Variants in ITGB3BP observed in about 807,000 individuals in gnomAD.
ITGB3BP encodes centromere protein R.
Under a neutral mutation model 29.1 loss-of-function variants are expected in ITGB3BP, and 27 were observed. The observed-to-expected ratio is 0.93, with a 90% CI of 0.68 to 1.28. ITGB3BP has a LOEUF of 1.28. ITGB3BP is among the 50% of genes most tolerant of loss of function. The probability of loss-of-function intolerance (pLI) is 0.00; values close to 1 mark genes in which losing one functional copy is unlikely to be tolerated. For missense variants in ITGB3BP, 192 were observed against 200.2 expected, an observed-to-expected ratio of 0.96 and a Z score of 0.25; for synonymous variants, 61 against 61.4, an observed-to-expected ratio of 0.99 and a Z score of 0.03.
chr1:63,448,912 G>A (rs929410699), intron 7 of ITGB3BP, among the ~76,000 whole-genome samples: 1 of 152,080 alleles, frequency 6.6e-6, no homozygotes, highest in Non-Finnish European at 1.5e-5. Flanking sequence ...TGTGAGATAT[G>A]TCTCTGGGGA....
At chr1:63,448,849 T>G (rs1484176544) in intron 7 of ITGB3BP, among the ~76,000 whole-genome samples, 1 of 152,152 alleles carries the variant, frequency 6.6e-6, no homozygotes, top group Non-Finnish European at 1.5e-5. Flanking sequence ...TGATCAATTT[T>G]TATATTGCTG....
At chr1:63,460,167 T>G (rs1644994664) in intron 4 of ITGB3BP, among the ~76,000 whole-genome samples, 1 of 152,224 alleles carries the variant, frequency 6.6e-6, no homozygotes, top group Non-Finnish European at 1.5e-5. Context: ...ATTTGTCATT[T>G]TAAACATTTT....
At chr1:63,452,638 T>C (rs1441476942) in intron 7 of ITGB3BP, among the ~76,000 whole-genome samples, 1 of 127,962 alleles carries the variant, frequency 7.8e-6, no homozygotes, top group Non-Finnish European at 1.9e-5. Flanking sequence ...TCTTTCTTTT[T>C]TTTTTTTTTA....
intron 4 of ITGB3BP, among the ~76,000 whole-genome samples, chr1:63,465,918 A>T (rs1179686791): frequency 6.6e-6 from 1 of 152,108 alleles, no homozygotes; most frequent in Non-Finnish European, 1.5e-5. Flanking sequence ...GAAACCATCA[A>T]CTTGTATTGA....
At chr1:63,504,876 G>C (rs1462462827) in intron 2 of ITGB3BP, among the ~76,000 whole-genome samples, 1 of 152,120 alleles carries the variant, frequency 6.6e-6, no homozygotes, top group Non-Finnish European at 1.5e-5. Context: ...TGATCATGGT[G>C]GATAAGCTTT....
At chr1:63,459,880 G>T (rs1431447119) in intron 4 of ITGB3BP, among the ~76,000 whole-genome samples, 1 of 151,864 alleles carries the variant, frequency 6.6e-6, no homozygotes, top group Non-Finnish European at 1.5e-5. Context: ...CTGCATCCAA[G>T]AACTACTAAC....
chr1:63,495,438 C>T (rs184617313), intron 2 of ITGB3BP, among the ~76,000 whole-genome samples: 2 of 152,238 alleles, frequency 1.3e-5, no homozygotes, highest in African/African-American at 2.4e-5. Context: ...TGGAAGGAAC[C>T]GCAGACTTAA....
At chr1:63,497,454 G>A (rs919654169) in intron 2 of ITGB3BP, among the ~76,000 whole-genome samples, 12 of 152,236 alleles carry the variant, frequency 7.9e-5, no homozygotes, top group African/African-American at 2.2e-4. Context: ...AGTAGCTAAA[G>A]AGAAAGGGAG....
intron 8 of ITGB3BP, among the ~76,000 whole-genome samples, chr1:63,444,168 TCAAAA>T (rs1644761144): frequency 6.6e-6 from 1 of 152,076 alleles, no homozygotes; most frequent in Non-Finnish European, 1.5e-5. Context: ...ACTCAAAGAC[TCAAAA>T]GAACACCCCA....
chr1:63,489,544 A>C (rs11208226), intron 3 of ITGB3BP, among the ~76,000 whole-genome samples: 61,588 of 151,596 alleles, frequency 0.41, 13,899 homozygotes, highest in Non-Finnish European at 0.52. Flanking sequence ...AGAATTTCAT[A>C]TTAAAATTAG....
At chr1:63,469,070 A>G (rs1645150109) in intron 4 of ITGB3BP, among the ~76,000 whole-genome samples, 1 of 151,440 alleles carries the variant, frequency 6.6e-6, no homozygotes, top group Non-Finnish European at 1.5e-5. Flanking sequence ...AAGTCTGCCC[A>G]ACATAAAGCT....
At chr1:63,505,820 G>A (rs1447450590) in intron 2 of ITGB3BP, among the ~76,000 whole-genome samples, 6 of 152,152 alleles carry the variant, frequency 3.9e-5, no homozygotes, top group Admixed American at 2.0e-4. Flanking sequence ...GTAGTTGAGC[G>A]GTTTTGAGTG....
chr1:63,528,671 T>G, intron 2 of ITGB3BP, among the ~76,000 whole-genome samples: 1 of 152,100 alleles, frequency 6.6e-6, no homozygotes, highest in East Asian at 1.9e-4. Flanking sequence ...TCTCATATTA[T>G]ACACCTACTA....
intron 4 of ITGB3BP, among the ~76,000 whole-genome samples, chr1:63,466,331 T>C (rs745884615): frequency 1.2e-4 from 19 of 152,230 alleles, no homozygotes; most frequent in Non-Finnish European, 2.1e-4. Context: ...CAGTCACACA[T>C]GTGGAACACT....
At chr1:63,455,647 G>A (rs1473144802) in intron 4 of ITGB3BP, among the ~76,000 whole-genome samples, 3 of 151,880 alleles carry the variant, frequency 2.0e-5, no homozygotes, top group African/African-American at 4.8e-5. Context: ...TATACATTTT[G>A]GGGGGCCACA....
At chr1:63,444,678 A>T (rs1644769855) in intron 8 of ITGB3BP, among the ~76,000 whole-genome samples, 1 of 148,644 alleles carries the variant, frequency 6.7e-6, no homozygotes, top group South Asian at 2.1e-4. Context: ...CTCCTATTAC[A>T]TATAGGATTT....
chr1:63,515,599 G>T (rs542613097), intron 1 of ITGB3BP, among the ~76,000 whole-genome samples: 7 of 151,998 alleles, frequency 4.6e-5, no homozygotes, highest in Admixed American at 3.9e-4. Flanking sequence ...AGGCTGAGGT[G>T]GGCAGATTAC....
intron 2 of ITGB3BP, among the ~76,000 whole-genome samples, chr1:63,506,858 G>A (rs1052295482): frequency 2.0e-5 from 3 of 152,130 alleles, no homozygotes; most frequent in African/African-American, 7.2e-5. Flanking sequence ...CAACAATTAA[G>A]TACTCCTAAA....
chr1:63,471,424 T>TA (rs1300053909), intron 4 of ITGB3BP, among the ~76,000 whole-genome samples: 6 of 151,832 alleles, frequency 4.0e-5, no homozygotes. Context: ...GCTATTTTTT[T>TA]ATATTTTTAA....
Sources: allele counts gnomAD v4.1 joint callset (sites outside exome capture counted in the v4.1 genomes callset), GRCh38; gene constraint gnomAD v4.1.1; transcripts MANE v1.5; gene names NCBI Gene and HGNC (gene_info 2026-07-23, HGNC 2026-07-21).